Variants in OTOF observed in about 807,000 individuals in gnomAD.
The protein encoded by OTOF is fer-1-like family member 2.
In OTOF, 218 loss-of-function variants were observed where a neutral mutation model predicts 236.8. The observed-to-expected ratio is 0.92, with a 90% CI of 0.82 to 1.03. The LOEUF (loss-of-function observed/expected upper bound fraction) is 1.03. Among genes scored for constraint, OTOF ranks in the 50% least tolerant of loss-of-function variants. The probability of loss-of-function intolerance (pLI) is 0.00; values close to 1 mark genes in which losing one functional copy is unlikely to be tolerated. For missense variants in OTOF, 2,590 were observed against 2,694.4 expected (o/e 0.96, Z 0.86); for synonymous variants, 1,041 against 1,072.5 (o/e 0.97, Z 0.57).
chr2:26,472,155 A>G (rs1665014596), intron 30 of OTOF, among the ~76,000 whole-genome samples: 1 of 150,306 alleles, frequency 6.7e-6, no homozygotes, highest in African/African-American at 2.5e-5. Flanking sequence ...TACCCCACAT[A>G]CATGCACACA....
At chr2:26,484,205 A>G (rs868032060) in intron 12 of OTOF, among the ~76,000 whole-genome samples, 1 of 152,234 alleles carries the variant, frequency 6.6e-6, no homozygotes, top group Non-Finnish European at 1.5e-5. Flanking sequence ...CTCAGGACCC[A>G]GCAGCTGCTG....
intron 1 of OTOF, among the ~76,000 whole-genome samples, chr2:26,546,319 G>T (rs1667331396): frequency 6.6e-6 from 1 of 152,032 alleles, no homozygotes. Flanking sequence ...AAATTAGCTG[G>T]GAGTGATGGT....
intron 3 of OTOF, among the ~76,000 whole-genome samples, chr2:26,521,891 C>T (rs542545526): frequency 6.6e-6 from 1 of 152,220 alleles, no homozygotes; most frequent in African/African-American, 2.4e-5. Flanking sequence ...GAGGAGACTG[C>T]TCATGTGAAA....
At chr2:26,544,801 G>T (rs1572495366) in intron 1 of OTOF, among the ~76,000 whole-genome samples, 1 of 152,126 alleles carries the variant, frequency 6.6e-6, no homozygotes, top group Non-Finnish European at 1.5e-5. Context: ...ACTTTGGGAG[G>T]CTGAGGCAGG....
At chr2:26,528,258 G>A (rs1386774530) in intron 2 of OTOF, among the ~76,000 whole-genome samples, 1 of 152,236 alleles carries the variant, frequency 6.6e-6, no homozygotes, top group Non-Finnish European at 1.5e-5. Flanking sequence ...TCCTGAGGGG[G>A]GTTGGGAGAG....
chr2:26,509,742 G>A (rs755360059), intron 5 of OTOF, among the ~76,000 whole-genome samples: 36 of 152,138 alleles, frequency 2.4e-4, no homozygotes, highest in Non-Finnish European at 4.3e-4. Flanking sequence ...AGATAAAAAA[G>A]ACCACACTCC....
intron 5 of OTOF, among the ~76,000 whole-genome samples, chr2:26,509,809 C>A (rs932871651): frequency 6.6e-6 from 1 of 152,180 alleles, no homozygotes; most frequent in Non-Finnish European, 1.5e-5. Context: ...TAGATACAGT[C>A]AAGTTCTCTA....
At chr2:26,489,811 TC>T in intron 9 of OTOF, 71 bp from the exon 10 acceptor site, 1 of 1,210,512 alleles carries the variant, frequency 8.3e-7, no homozygotes, top group Non-Finnish European at 1.2e-6. Flanking sequence ...GTTGGGCCCC[TC>T]CCTCCTCGCA....
At chr2:26,504,919 C>T (rs1444333054) in intron 5 of OTOF, among the ~76,000 whole-genome samples, 2 of 152,182 alleles carry the variant, frequency 1.3e-5, no homozygotes, top group African/African-American at 4.8e-5. Flanking sequence ...CAGCAGAGTC[C>T]ACCCTTTTTG....
intron 1 of OTOF, among the ~76,000 whole-genome samples, chr2:26,543,474 A>G (rs931864025): frequency 6.6e-6 from 1 of 152,190 alleles, no homozygotes; most frequent in Non-Finnish European, 1.5e-5. Flanking sequence ...TACAAGCACG[A>G]GGGGGCATGG....
chr2:26,500,568 A>G (rs1251476988), intron 8 of OTOF, among the ~76,000 whole-genome samples: 1 of 152,166 alleles, frequency 6.6e-6, no homozygotes, highest in Non-Finnish European at 1.5e-5. Flanking sequence ...GGCATTCTCA[A>G]ACCCCTAAGG....
chr2:26,542,787 TG>T (rs1667238602), intron 1 of OTOF, among the ~76,000 whole-genome samples: 2 of 152,066 alleles, frequency 1.3e-5, no homozygotes, highest in Non-Finnish European at 2.9e-5. Flanking sequence ...GGAGAGGGGC[TG>T]GGGTCCCGAA....
intron 1 of OTOF, among the ~76,000 whole-genome samples, chr2:26,543,368 C>T (rs769081090): frequency 2.6e-5 from 4 of 152,174 alleles, no homozygotes; most frequent in Admixed American, 6.5e-5. Context: ...ATCTGTTAGC[C>T]GGGGGTCATT....
At chr2:26,523,459 G>A (rs2148108298) in intron 3 of OTOF, among the ~76,000 whole-genome samples, 1 of 152,274 alleles carries the variant, frequency 6.6e-6, no homozygotes, top group African/African-American at 2.4e-5. Flanking sequence ...AGATGGCAGT[G>A]ATGGGATCAG....
Position 26,503,855 on chromosome 2 carries a change from G to T in OTOF, c.510-10C>A. ...CACGCTCCTCCCGGCTCTGTGAGGG[G>T]GGCCACCAGAATGAGGTGCAGGGAG... On this transcript the variant is annotated splice_polypyrimidine_tract_variant and intron_variant, in intron 5 of 46. Transcript: ENST00000272371. 1 of 1,613,736 alleles carries T rather than the reference G, an allele frequency of 6.2e-7. No homozygotes were observed. Among genetic ancestry groups the T allele is most frequent in the Non-Finnish European group, 8.5e-7 (1 of 1,179,622 alleles).
chr2:26,478,790 A>C (rs952672173), intron 18 of OTOF, among the ~76,000 whole-genome samples: 5 of 152,088 alleles, frequency 3.3e-5, no homozygotes, highest in African/African-American at 4.8e-5. Flanking sequence ...ACTCCGCCTC[A>C]CGGGTTCAAG....
chr2:26,494,987 C>T lies in OTOF; in HGVS notation c.852G>A (p.Lys284=). ...TAGTGGACTCCTTCATGGATGTGTA[C>T]TTCTTGTCGTCACCCACCTCCACGC... ...VVCVEVGDDK[K]YTSMKESTNC... Residue 284 remains lysine (K), a synonymous_variant, in exon 9 of 47, where the codon AAG becomes AAA. Coordinates refer to ENST00000272371, the MANE Select transcript of OTOF (RefSeq NM_194248.3). 1.9e-6 allele frequency: 3 copies of T among 1,614,190 alleles called. No homozygotes were observed. The highest frequency in any genetic ancestry group is 2.5e-6 in the Non-Finnish European group (3 of 1,180,016).
chr2:26,542,602 G>C (rs1012305184), intron 1 of OTOF, among the ~76,000 whole-genome samples: 1 of 152,352 alleles, frequency 6.6e-6, no homozygotes, highest in South Asian at 2.1e-4. Context: ...GAGAGACTGG[G>C]AAGCAAGGAG....
At chr2:26,497,389 C>T (rs773185460) in intron 8 of OTOF, among the ~76,000 whole-genome samples, 2 of 152,174 alleles carry the variant, frequency 1.3e-5, no homozygotes, top group Non-Finnish European at 2.9e-5. Context: ...GCCACTGAGC[C>T]CGGCACATTC....
Sources: allele counts gnomAD v4.1 joint callset (sites outside exome capture counted in the v4.1 genomes callset), GRCh38; gene constraint gnomAD v4.1.1; transcripts MANE v1.5; gene names NCBI Gene and HGNC (gene_info 2026-07-23, HGNC 2026-07-21).